MPHOSPH10: variants seen among roughly 807,000 people sequenced by gnomAD.
MPHOSPH10 encodes the protein U3 small nucleolar ribonucleoprotein MPP10.
In MPHOSPH10, 33 loss-of-function variants were observed where a neutral mutation model predicts 77.3. The ratio of observed to expected loss-of-function variants is 0.43; its 90% confidence interval spans 0.32 to 0.57. The LOEUF (loss-of-function observed/expected upper bound fraction) is 0.57. MPHOSPH10 is among the 20% of genes least tolerant of loss of function. The probability of loss-of-function intolerance (pLI) is 0.07; values close to 1 mark genes in which losing one functional copy is unlikely to be tolerated. For synonymous variants in MPHOSPH10, 245 were observed against 268.0 expected (o/e 0.91, Z 0.84); for missense variants, 708 against 780.1 (o/e 0.91, Z 1.10).
Position 71,148,007 on chromosome 2 carries a change from A to G in MPHOSPH10, c.1566A>G (p.Pro522=). Reference sequence around the variant, plus strand: ...TATTATCTCTTTTCTAGCCTGTACCAGAGATTAAAGTTGTGTCAAATCTGC... The same window carrying G: ...TATTATCTCTTTTCTAGCCTGTACCGGAGATTAAAGTTGTGTCAAATCTGC... ...NFHFIPKPPV[P]EIKVVSNLPA... is the part of the protein sequence containing the mutation. The change falls in exon 9 of 11, where the codon CCA becomes CCG. Residue 522 remains proline, a synonymous_variant. Transcript: ENST00000244230. 1.2e-6 allele frequency: 2 copies of G among 1,613,128 alleles called. No homozygotes were observed. The highest frequency in any genetic ancestry group is 1.7e-6 in the Non-Finnish European group (2 of 1,179,102).
intron 8 of MPHOSPH10, among the ~76,000 whole-genome samples, chr2:71,145,363 G>A (rs1027667507): frequency 7.2e-5 from 11 of 152,152 alleles, no homozygotes; most frequent in Non-Finnish European, 1.3e-4. Flanking sequence ...TATGATGCAG[G>A]CAATCGCTTT....
Position 71,149,422 on chromosome 2 carries a change from T to G in MPHOSPH10, c.1865T>G (p.Leu622Arg), listed in dbSNP as rs1181784102. ...KTVASEKLKQ[L>R]TKTGKASFIK... is the part of the protein sequence containing the mutation. The stretch of plus-strand genomic sequence containing the variant: ...GTAGCTTCGGAGAAGTTAAAACAGC[T>G]GACCAAAACTGGCAAAGCTTCCTTC... Residue 622 changes from leucine to arginine, a missense_variant, in exon 10 of 11, where the codon CTG becomes CGG. By Grantham distance (102) the Leu-to-Arg change is moderately radical. Coordinates refer to ENST00000244230, the MANE Select transcript of MPHOSPH10 (RefSeq NM_005791.3). 6.2e-7 allele frequency: 1 copy of G among 1,613,986 alleles called. No homozygotes were observed. The highest frequency in any genetic ancestry group is 1.1e-5 in the South Asian group (1 of 91,024).
chr2:71,136,261 C>A (rs11893162), intron 4 of MPHOSPH10, among the ~76,000 whole-genome samples: 42,412 of 152,006 alleles, frequency 0.28, 6,226 homozygotes, highest in Admixed American at 0.38. Flanking sequence ...GTGGCTCACA[C>A]CTGCACTTTG....
At chr2:71,138,150 C>T (rs357758) in intron 4 of MPHOSPH10, among the ~76,000 whole-genome samples, 41,830 of 152,128 alleles carry the variant, frequency 0.27, 6,100 homozygotes, top group Admixed American at 0.38. Flanking sequence ...GGGTCAGACT[C>T]CATCAGATAC....
intron 7 of MPHOSPH10, among the ~76,000 whole-genome samples, chr2:71,143,243 G>A (rs1673644022): frequency 6.6e-6 from 1 of 151,344 alleles, no homozygotes; most frequent in Non-Finnish European, 1.5e-5. Context: ...CCGGGTCCAA[G>A]CAATTCCCCT....
Position 71,138,539 on chromosome 2 carries a change from C to T in MPHOSPH10, c.1148C>T (p.Pro383Leu), listed in dbSNP as rs750915614. Residue 383 changes from proline (P) to leucine (L), a missense_variant, in exon 5 of 11, where the codon CCG becomes CTG. By Grantham distance (98) the Pro-to-Leu change is moderately conservative. Coordinates refer to ENST00000244230, the MANE Select transcript of MPHOSPH10 (RefSeq NM_005791.3). ...GAAAAAGAGTTGTTAGAAAAAAAGC[C>T]GTGGCAGCTTCAGGGGGAAGTGACA... is the stretch of plus-strand genomic sequence containing the variant. ...SLEKELLEKK[P>L]WQLQGEVTAQ... The T allele has an allele frequency of 2.7e-5, 44 of 1,603,296 alleles. No individual in the cohort carries two copies. Among genetic ancestry groups the T allele is most frequent in the Middle Eastern group, 1.7e-4 (1 of 6,010 alleles).
chr2:71,145,848 G>A (rs550426432), intron 8 of MPHOSPH10, among the ~76,000 whole-genome samples: 2 of 152,120 alleles, frequency 1.3e-5, no homozygotes, highest in African/African-American at 2.4e-5. Flanking sequence ...TGGCCCAGTA[G>A]GCTGCACTTC....
rs1673751700 is a variant in MPHOSPH10, at chr2:71,148,057, C to T, written c.1616C>T (p.Ala539Val). 1 of 1,614,124 alleles carries T rather than the reference C, an allele frequency of 6.2e-7. No individual in the cohort carries two copies. Among genetic ancestry groups the T allele is most frequent in the Non-Finnish European group, 8.5e-7 (1 of 1,180,022 alleles). ...CCAGCCATAACCATGGAGGAAGTAGCCCCAGTGAGTGTTAGTGATGCAGCT... is the reference window on the plus strand; with the variant it reads ...CCAGCCATAACCATGGAGGAAGTAGTCCCAGTGAGTGTTAGTGATGCAGCT... ...NLPAITMEEV[A>V]PVSVSDAALL... The change falls in exon 9 of 11, where the codon GCC (alanine) becomes GTC (valine). Residue 539 changes from alanine (A) to valine (V), a missense_variant. This residue lies in a region of MPHOSPH10 where 263 missense variants were observed against 320.0 expected (regional missense o/e 0.82). Coordinates refer to ENST00000244230, the MANE Select transcript of MPHOSPH10 (RefSeq NM_005791.3).
In MPHOSPH10 at chr2:71,138,497, A is replaced by C; in HGVS notation, c.1106A>C (p.Glu369Ala). Reference sequence around the variant, plus strand: ...ATTTTATCTCTTTCTTAGATGAATGAAAAAATTGCATCTTTAGAAAAAGAG... The same window carrying C: ...ATTTTATCTCTTTCTTAGATGAATGCAAAAATTGCATCTTTAGAAAAAGAG... ...SFEKRQEKMN[E>A]KIASLEKELL... is the part of the protein sequence containing the mutation. Residue 369 changes from glutamate (E) to alanine (A), a missense_variant, in exon 5 of 11, where the codon GAA (glutamate) becomes GCA (alanine). By Grantham distance (107) the Glu-to-Ala change is moderately radical (BLOSUM62 -1). Coordinates refer to ENST00000244230, the MANE Select transcript of MPHOSPH10 (RefSeq NM_005791.3). 6.3e-7 allele frequency: 1 copy of C among 1,577,866 alleles called. No homozygotes were observed. The highest frequency in any genetic ancestry group is 8.6e-7 in the Non-Finnish European group (1 of 1,163,214).
chr2:71,141,801 G>A (rs1673618966), intron 7 of MPHOSPH10, among the ~76,000 whole-genome samples: 1 of 151,902 alleles, frequency 6.6e-6, no homozygotes, highest in South Asian at 2.1e-4. Context: ...AGGCTGAGGC[G>A]GGCGGATTGC....
intron 8 of MPHOSPH10, among the ~76,000 whole-genome samples, chr2:71,145,780 ATCT>A (rs1673694274): frequency 6.6e-6 from 1 of 150,894 alleles, no homozygotes; most frequent in African/African-American, 2.4e-5. Context: ...ACCCCCACTG[ATCT>A]TCTGATTCCT....
chr2:71,141,848 A>G (rs1178066613), intron 7 of MPHOSPH10, among the ~76,000 whole-genome samples: 1 of 151,892 alleles, frequency 6.6e-6, no homozygotes, highest in Non-Finnish European at 1.5e-5. Context: ...TGGCCAACAT[A>G]GTGAAACCCC....
chr2:71,133,745 G>C (rs1454713952), intron 2 of MPHOSPH10, among the ~76,000 whole-genome samples, 169 bp downstream of exon 2: 1 of 151,978 alleles, frequency 6.6e-6, no homozygotes, highest in Non-Finnish European at 1.5e-5. Flanking sequence ...GTTCCAGTTG[G>C]TCTTATAATT....
In MPHOSPH10 at chr2:71,134,632, A is replaced by C. The variant is rs764144694; in HGVS notation, c.933A>C (p.Glu311Asp). ...AAGAGTTTTGGTATTGTAGGGATGA[A>C]GATGATGACCTTCAAGAAAATGAAG... ...AEELSISETD[E>D]DDDLQENEDN... The change falls in exon 4 of 11, where the codon GAA (glutamate) becomes GAC (aspartate). Residue 311 changes from glutamate (E) to aspartate (D), a missense_variant. Physicochemically the swap from Glu to Asp is conservative, Grantham distance 45. Transcript: ENST00000244230. 20 of 1,598,270 alleles carry C rather than the reference A, an allele frequency of 1.3e-5. No homozygotes were observed. Among genetic ancestry groups the C allele is most frequent in the Non-Finnish European group, 1.6e-5 (19 of 1,175,654 alleles).
chr2:71,138,657 C>T, intron 5 of MPHOSPH10, 26 bp downstream of exon 5: 1 of 1,613,898 alleles, frequency 6.2e-7, no homozygotes, highest in Non-Finnish European at 8.5e-7. Flanking sequence ...CTGTAGTTTT[C>T]ATGTCTGTGC....
chr2:71,139,999 C>T, intron 6 of MPHOSPH10, 137 bp downstream of exon 6: 1 of 619,830 alleles, frequency 1.6e-6, no homozygotes, highest in Non-Finnish European at 2.8e-6. Flanking sequence ...GCTACCTAGT[C>T]AGCTTTTGTT....
chr2:71,135,145 G>A (rs1673460921), intron 4 of MPHOSPH10, among the ~76,000 whole-genome samples: 1 of 152,136 alleles, frequency 6.6e-6, no homozygotes, highest in South Asian at 2.1e-4. Context: ...TAGCCTGGGC[G>A]GCAAGCAAGA....
In MPHOSPH10 at chr2:71,133,494, A is replaced by T; in HGVS notation, c.686A>T (p.Glu229Val). ...GAGGAACGAAAAGATGATAATGATGAGGAGGAGGAAGATATTGATTTTTTT... is the reference window on the plus strand; with the variant it reads ...GAGGAACGAAAAGATGATAATGATGTGGAGGAGGAAGATATTGATTTTTTT... Reference protein sequence around the residue: ...KEEERKDDNDEEEEDIDFFED... With the variant: ...KEEERKDDNDVEEEDIDFFED... Residue 229 changes from glutamate to valine, a missense_variant, in exon 2 of 11, where the codon GAG becomes GTG. This residue lies in a region of MPHOSPH10 where 433 missense variants were observed against 432.6 expected (regional missense o/e 1.00). Transcript: ENST00000244230. 1.2e-6 allele frequency: 2 copies of T among 1,606,238 alleles called. No homozygotes were observed. The highest frequency in any genetic ancestry group is 2.2e-5 in the South Asian group (2 of 90,960).
chr2:71,137,405 TC>T (rs1673517548), intron 4 of MPHOSPH10, among the ~76,000 whole-genome samples: 1 of 152,158 alleles, frequency 6.6e-6, no homozygotes, highest in South Asian at 2.1e-4. Flanking sequence ...ATGCCTGTAA[TC>T]CCAACACTTT....
Sources: allele counts gnomAD v4.1 joint callset (sites outside exome capture counted in the v4.1 genomes callset), GRCh38; gene constraint gnomAD v4.1.1; regional missense constraint gnomAD v4.1.1; transcripts MANE v1.5; gene names NCBI Gene and HGNC (gene_info 2026-07-23, HGNC 2026-07-21).